COPG2: variants seen among roughly 807,000 people sequenced by gnomAD.
COPG2 encodes coat protein complex I subunit gamma 2.
Under a neutral mutation model 46.3 loss-of-function variants are expected in COPG2, and 37 were observed. The ratio of observed to expected loss-of-function variants is 0.80; its 90% CI spans 0.61 to 1.05. The LOEUF (loss-of-function observed/expected upper bound fraction) is 1.05. Among genes scored for constraint, COPG2 ranks in the 50% least tolerant of loss-of-function variants. COPG2 has a pLI of 0.00. For synonymous variants in COPG2, 159 were observed against 129.7 expected, an observed-to-expected ratio of 1.23 and a Z score of -1.53; for missense variants, 427 against 387.8, an observed-to-expected ratio of 1.10 and a Z score of -0.85.
chr7:130,641,774 A>C (rs893190084), intron 5 of COPG2, among the ~76,000 whole-genome samples: 1 of 152,168 alleles, frequency 6.6e-6, no homozygotes, highest in Non-Finnish European at 1.5e-5. Flanking sequence ...TCGGGCTTGT[A>C]TATTTCTTAC....
intron 5 of COPG2, among the ~76,000 whole-genome samples, chr7:130,637,082 A>C (rs906702618): frequency 6.6e-6 from 1 of 152,188 alleles, no homozygotes. Flanking sequence ...GGGTTTCTGC[A>C]GAGAGATCCA....
rs143820112 is a variant in COPG2 at position 130,662,961 on chromosome 7, A to T, written c.243+6T>A. 4.6e-4 allele frequency: 697 copies of T among 1,527,916 alleles called. 7 individuals are homozygous for T. The East Asian group carries it at 0.013, about 29-fold the overall frequency. The allele number at this position is 1,527,916 out of a possible 1,614,324, so 94.6% of individuals were successfully genotyped here. On this transcript the variant is annotated splice_donor_region_variant and intron_variant, in intron 4 of 23. Transcript: ENST00000425248. Reference sequence around the variant, plus strand: ...TTCATCGTAAAAAAAATTTAAAAAGACTTACATCATTAGATTGAAACAATC... The same window carrying T: ...TTCATCGTAAAAAAAATTTAAAAAGTCTTACATCATTAGATTGAAACAATC...
At chr7:130,589,018 A>G (rs544924919) in intron 9 of COPG2, among the ~76,000 whole-genome samples, 1 of 152,256 alleles carries the variant, frequency 6.6e-6, no homozygotes, top group South Asian at 2.1e-4. Flanking sequence ...CATTGGCTGT[A>G]TATTTACTTC....
In COPG2 at chr7:130,549,333, G is replaced by A. The variant is rs909084806; in HGVS notation, c.1818C>T (p.Ser606=). Residue 606 remains serine (S), a synonymous_variant, in exon 18 of 24, where the codon TCC becomes TCT. Transcript: ENST00000425248. ...VATKPEKLAP[S]RQDIFQEQLA... ...TCATACCTTGGAAAATGTCTTGCCT[G>A]GAAGGAGCCAACTTCTCTGGCTTAG... The A allele has an allele frequency of 5.1e-3, 2,037 of 398,538 alleles. 35 individuals are homozygous for A. The highest frequency in any genetic ancestry group is 0.038 in the African/African-American group (1,872 of 48,738). The allele number at this position is 398,538 out of a possible 1,614,324, so 24.7% of individuals were successfully genotyped here.
chr7:130,575,666 A>C (rs1793988398), intron 9 of COPG2, among the ~76,000 whole-genome samples: 1 of 152,180 alleles, frequency 6.6e-6, no homozygotes, highest in Admixed American at 6.5e-5. Flanking sequence ...AAAAACAAAA[A>C]ACAAAAAAAC....
At chr7:130,626,852 C>T (rs1467082421) in intron 5 of COPG2, among the ~76,000 whole-genome samples, 4 of 152,048 alleles carry the variant, frequency 2.6e-5, no homozygotes, top group Non-Finnish European at 5.9e-5. Flanking sequence ...TTTTAAATTA[C>T]ATTTGCCCTT....
intron 20 of COPG2, among the ~76,000 whole-genome samples, chr7:130,514,643 A>T (rs920926820): frequency 6.6e-6 from 1 of 152,196 alleles, no homozygotes; most frequent in Non-Finnish European, 1.5e-5. Context: ...AAGATAGGTA[A>T]CAAGGAGAAA....
At chr7:130,613,056 T>C (rs1207558698) in intron 7 of COPG2, among the ~76,000 whole-genome samples, 3 of 152,210 alleles carry the variant, frequency 2.0e-5, no homozygotes, top group East Asian at 3.8e-4. Flanking sequence ...AATGATCCTA[T>C]AGATCAGCAA....
intron 5 of COPG2, among the ~76,000 whole-genome samples, chr7:130,647,013 ATATATATATATGTG>A (rs1795623333): frequency 3.2e-4 from 42 of 132,624 alleles, no homozygotes; most frequent in African/African-American, 1.1e-3. Flanking sequence ...ATATATATGT[ATATATATATATGTG>A]TATATATATA....
At chr7:130,507,896 A>G in intron 21 of COPG2, 73 bp from the exon 22 acceptor site, 1 of 740,540 alleles carries the variant, frequency 1.4e-6, no homozygotes, top group Non-Finnish European at 2.5e-6. Context: ...ACTAGTCAAT[A>G]TGGTCCTCCG....
At chr7:130,607,755 A>T (rs782469508) in intron 9 of COPG2, 4 of 519,988 alleles carry the variant, frequency 7.7e-6, no homozygotes, top group Non-Finnish European at 1.5e-5. Flanking sequence ...CCAACCTCAA[A>T]CTGTTTTGAC....
intron 9 of COPG2, among the ~76,000 whole-genome samples, chr7:130,607,955 T>C (rs1397614112): frequency 6.6e-6 from 1 of 152,232 alleles, no homozygotes; most frequent in African/African-American, 2.4e-5. Context: ...TGTTGTGGGT[T>C]ATCTTCATTT....
chr7:130,633,233 G>A (rs148972069), intron 5 of COPG2, among the ~76,000 whole-genome samples: 232 of 152,298 alleles, frequency 1.5e-3, no homozygotes, highest in African/African-American at 5.4e-3. Flanking sequence ...ATAGCAGAAT[G>A]ATTTATAATC....
chr7:130,531,588 A>G (rs1259635339), intron 20 of COPG2, among the ~76,000 whole-genome samples: 1 of 152,140 alleles, frequency 6.6e-6, no homozygotes, highest in Non-Finnish European at 1.5e-5. Context: ...AACAACTCTC[A>G]CAAAGAGTGG....
At chr7:130,591,496 G>C in intron 9 of COPG2, among the ~76,000 whole-genome samples, 1 of 93,970 alleles carries the variant, frequency 1.1e-5, no homozygotes, top group Non-Finnish European at 2.2e-5. Context: ...CCCCCGCCCG[G>C]CCAGCCGCCC....
chr7:130,660,645 T>C (rs1188438153), intron 4 of COPG2, among the ~76,000 whole-genome samples: 1 of 152,214 alleles, frequency 6.6e-6, no homozygotes, highest in Non-Finnish European at 1.5e-5. Flanking sequence ...GTAATAAGTA[T>C]TGGTGATTTT....
chr7:130,513,349 GTGTGTGTGTGTATATATATATATATA>G (rs551317075), intron 20 of COPG2, among the ~76,000 whole-genome samples: 30,158 of 84,898 alleles, frequency 0.36, 7,878 homozygotes, highest in Non-Finnish European at 0.48. Context: ...ATATGTGTGT[GTGTGTGTGTGTATATATATATATATA>G]TGTGTGTGTG....
At chr7:130,647,747 TC>T (rs1192235552) in intron 5 of COPG2, among the ~76,000 whole-genome samples, 10 of 147,502 alleles carry the variant, frequency 6.8e-5, no homozygotes, top group Non-Finnish European at 7.6e-5. Flanking sequence ...TTTTTTTTTT[TC>T]GAGACGAAGT....
intron 5 of COPG2, among the ~76,000 whole-genome samples, chr7:130,636,538 GTTTTTTTTT>G (rs59688621): frequency 3.2e-5 from 3 of 94,142 alleles, no homozygotes; most frequent in African/African-American, 4.3e-5. Flanking sequence ...ATTGCAACCG[GTTTTTTTTT>G]TTTTTTTTTT....
Sources: gnomAD v4.1 joint callset for allele counts (sites outside exome capture counted in the v4.1 genomes callset) on GRCh38, gnomAD v4.1.1 for gene constraint, MANE v1.5 for transcripts, NCBI Gene and HGNC (gene_info 2026-07-23, HGNC 2026-07-21) for gene names.